WDR43: variants seen among roughly 807,000 people sequenced by gnomAD.
The protein encoded by WDR43 is WD repeat-containing protein 43.
A neutral mutation model predicts 91.4 loss-of-function variants in WDR43; 13 were observed. That is an observed-to-expected ratio of 0.14 (90% CI 0.09 to 0.23). The LOEUF is 0.23. Among genes scored for constraint, WDR43 ranks in the 10% least tolerant of loss-of-function variants. The probability of loss-of-function intolerance (pLI) is 1.00; values close to 1 mark genes in which losing one functional copy is unlikely to be tolerated. For missense variants in WDR43, 780 were observed against 809.4 expected, an observed-to-expected ratio of 0.96 and a Z score of 0.44; for synonymous variants, 331 against 287.9, an observed-to-expected ratio of 1.15 and a Z score of -1.51.
At position 28,914,106 on chromosome 2, in the gene WDR43, T is replaced by C; in HGVS notation, c.644T>C (p.Met215Thr). ...CATGCAACGCCAGTTTCGTCACTGA[T>C]GTTCACTACCATCAGACCTCCTAAT... ...TGHATPVSSL[M>T]FTTIRPPNES... Residue 215 changes from methionine (M) to threonine (T), a missense_variant, in exon 5 of 18, where the codon ATG becomes ACG. Coordinates refer to ENST00000407426, the MANE Select transcript of WDR43 (RefSeq NM_015131.3). 4 of 1,613,994 alleles carry C rather than the reference T, an allele frequency of 2.5e-6. No individual in the cohort carries two copies. The highest frequency in any genetic ancestry group is 3.4e-6 in the Non-Finnish European group (4 of 1,179,884).
Position 28,925,016 on chromosome 2 carries a change from A to G in WDR43, c.949A>G (p.Ile317Val), listed in dbSNP as rs373952335. 12 of 1,613,648 alleles carry G rather than the reference A, an allele frequency of 7.4e-6. No homozygotes were observed. Among genetic ancestry groups the G allele is most frequent in the African/African-American group, 2.7e-5 (2 of 74,910 alleles). Residue 317 changes from isoleucine to valine, a missense_variant, in exon 8 of 18, where the codon ATT becomes GTT. By Grantham distance (29) the Ile-to-Val change is conservative. Around this residue, in one of 4 missense-constraint regions of WDR43, gnomAD observed 426 missense variants for 467.8 expected, o/e 0.91. Transcript: ENST00000407426. Reference protein sequence around the residue: ...CKKPLTSNCTIQIATPGKGKK... With the variant: ...CKKPLTSNCTVQIATPGKGKK... ...AAAGCCTTTGACTTCAAACTGCACA[A>G]TTCAGATAGCAACACCTGGGAAAGG...
At position 28,912,612 on chromosome 2, in the gene WDR43, A is replaced by C; in HGVS notation, c.508A>C (p.Ser170Arg). The C allele has an allele frequency of 6.2e-7, 1 of 1,613,890 alleles. No homozygotes were observed. Among genetic ancestry groups the C allele is most frequent in the African/African-American group, 1.3e-5 (1 of 75,040 alleles). Residue 170 changes from serine (S) to arginine (R), a missense_variant, in exon 4 of 18, where the codon AGT becomes CGT. Transcript: ENST00000407426. ...TAGCAAATGGAAAGGCGACAATAGCAGTGTCAGTTCCCTATGTATCAGCCC... is the reference window on the plus strand; with the variant it reads ...TAGCAAATGGAAAGGCGACAATAGCCGTGTCAGTTCCCTATGTATCAGCCC... Reference protein sequence around the residue: ...VKCKWKGDNSSVSSLCISPDG... With the variant: ...VKCKWKGDNSRVSSLCISPDG...
chr2:28,904,791 C>CACTTCA (rs1670646891), intron 2 of WDR43, among the ~76,000 whole-genome samples: 1 of 152,168 alleles, frequency 6.6e-6, no homozygotes, highest in Non-Finnish European at 1.5e-5. Context: ...GAAGTGGTAA[C>CACTTCA]AATGTTATTT....
Position 28,894,692 on chromosome 2 carries a change from A to G in WDR43, c.-7A>G, listed in dbSNP as rs1243192023. 6.4e-6 allele frequency: 10 copies of G among 1,557,700 alleles called. No individual in the cohort carries two copies. The highest frequency in any genetic ancestry group is 1.4e-5 in the African/African-American group (1 of 73,416). The stretch of plus-strand genomic sequence containing the variant: ...GAACACGTGGCTGCAGCGGGGCCAG[A>G]GCAGCAATGGCGGCGGGCGGCGGCG... On this transcript the variant is annotated 5_prime_UTR_variant, in exon 1 of 18. Coordinates refer to ENST00000407426, the MANE Select transcript of WDR43 (RefSeq NM_015131.3).
chr2:28,910,698 T>A (rs962535821), intron 3 of WDR43, among the ~76,000 whole-genome samples: 1 of 145,692 alleles, frequency 6.9e-6, no homozygotes, highest in Admixed American at 6.9e-5. Context: ...TATATATAAT[T>A]ATTATTTTTA....
chr2:28,943,522 A>C (rs1671487273), intron 16 of WDR43, among the ~76,000 whole-genome samples: 1 of 152,200 alleles, frequency 6.6e-6, no homozygotes, highest in Non-Finnish European at 1.5e-5. Context: ...CAAAAAGGGA[A>C]CATTTTAGAT....
chr2:28,938,701 A>T (rs1671380853), intron 14 of WDR43, among the ~76,000 whole-genome samples: 1 of 152,222 alleles, frequency 6.6e-6, no homozygotes, highest in Non-Finnish European at 1.5e-5. Context: ...GCCTTGTCAC[A>T]GTCCCTTGTT....
At chr2:28,938,046 G>A (rs1252851550) in intron 14 of WDR43, 52 bp downstream of exon 14, 6 of 1,591,876 alleles carry the variant, frequency 3.8e-6, no homozygotes, top group Non-Finnish European at 4.3e-6. Flanking sequence ...GCTTTGATAA[G>A]GATTGTAAAC....
chr2:28,902,556 GGA>G (rs1203468224), intron 2 of WDR43, among the ~76,000 whole-genome samples: 2 of 152,224 alleles, frequency 1.3e-5, no homozygotes, highest in African/African-American at 2.4e-5. Flanking sequence ...AAACTGAGAA[GGA>G]GGCTCCAGCT....
At chr2:28,920,224 C>CTTTTTTTT (rs751048652) in intron 6 of WDR43, among the ~76,000 whole-genome samples, 2 of 108,072 alleles carry the variant, frequency 1.9e-5, no homozygotes, top group Admixed American at 1.1e-4. Context: ...TTTTTTCTTT[C>CTTTTTTTT]TTTTTTTTTT....
Position 28,939,129 on chromosome 2 carries a change from G to A in WDR43, c.1620+1135G>A, listed in dbSNP as rs4524085. 9.8e-4 allele frequency among the ~76,000 whole-genome samples: 111 copies of A among 112,694 alleles called. 2 individuals carry two copies. Among genetic ancestry groups the A allele is most frequent in the Non-Finnish European group, 1.3e-3 (68 of 52,646 alleles). 73.9% of individuals were successfully genotyped at this position (112,694 alleles called of 152,430 possible). ...GTGACCTGGGAGCACTGGTGAGAGGGGTTTTGGGAGGTGACTTGGGAGCAC... is the reference window on the plus strand; with the variant it reads ...GTGACCTGGGAGCACTGGTGAGAGGAGTTTTGGGAGGTGACTTGGGAGCAC... On this transcript the variant is annotated intron_variant, in intron 14 of 17. Coordinates refer to ENST00000407426, the MANE Select transcript of WDR43 (RefSeq NM_015131.3).
chr2:28,929,300 A>G (rs556655417), intron 10 of WDR43, among the ~76,000 whole-genome samples: 2 of 152,294 alleles, frequency 1.3e-5, no homozygotes, highest in East Asian at 1.9e-4. Flanking sequence ...CCTTTTCTGA[A>G]TCTTCATTTA....
At chr2:28,918,393 A>T (rs1670958472) in intron 6 of WDR43, among the ~76,000 whole-genome samples, 1 of 149,708 alleles carries the variant, frequency 6.7e-6, no homozygotes, top group South Asian at 2.1e-4. Flanking sequence ...TTTGAGACGG[A>T]GTTTCGCTCT....
intron 11 of WDR43, among the ~76,000 whole-genome samples, chr2:28,931,282 A>T (rs930484670): frequency 6.6e-6 from 1 of 152,078 alleles, no homozygotes; most frequent in Admixed American, 6.6e-5. Flanking sequence ...GGGTTTCACC[A>T]TGTTGGCCAG....
chr2:28,931,833 G>C (rs1200228129), intron 11 of WDR43, among the ~76,000 whole-genome samples: 4 of 150,110 alleles, frequency 2.7e-5, no homozygotes, highest in African/African-American at 9.8e-5. Context: ...TGCTTGAAAA[G>C]TTAGTAAAGA....
intron 3 of WDR43, among the ~76,000 whole-genome samples, chr2:28,910,314 C>G (rs1553326459): frequency 6.6e-6 from 1 of 152,128 alleles, no homozygotes; most frequent in Non-Finnish European, 1.5e-5. Context: ...ATATATGTAT[C>G]AACGTAGTAA....
intron 11 of WDR43, 111 bp downstream of exon 11, chr2:28,929,821 T>G (rs1282594111): frequency 8.5e-7 from 1 of 1,175,190 alleles, no homozygotes; most frequent in Non-Finnish European, 1.2e-6. Flanking sequence ...CCATTTGGAA[T>G]GTAATGTTTT....
In WDR43 at chr2:28,946,477, A is replaced by G; in HGVS notation, c.1832A>G (p.Glu611Gly). The change falls in exon 17 of 18, where the codon GAA (glutamate) becomes GGA (glycine). Residue 611 changes from glutamate to glycine, a missense_variant. Around this residue, in one of 4 missense-constraint regions of WDR43, gnomAD observed 426 missense variants for 467.8 expected, o/e 0.91. Transcript: ENST00000407426. ...TCTTCTGAAGAGGAGTCTGATGATG[A>G]AATAGCAGATAAGGATTCTGAAGTG... ...EESSEEESDD[E>G]IADKDSEDNW... The G allele has an allele frequency of 6.2e-7, 1 of 1,612,188 alleles. No individual in the cohort carries two copies. The highest frequency in any genetic ancestry group is 8.5e-7 in the Non-Finnish European group (1 of 1,179,158).
chr2:28,921,710 A>ACTTTTT (rs755187869), intron 6 of WDR43, among the ~76,000 whole-genome samples: 373 of 151,906 alleles, frequency 2.5e-3, no homozygotes, highest in Admixed American at 4.3e-3. Context: ...CTTCCCCTAA[A>ACTTTTT]CTTTTTCTTT....
Sources: gnomAD v4.1 joint callset for allele counts (sites outside exome capture counted in the v4.1 genomes callset) on GRCh38, gnomAD v4.1.1 for gene constraint, gnomAD v4.1.1 regional missense constraint, MANE v1.5 for transcripts, NCBI Gene and HGNC (gene_info 2026-07-23, HGNC 2026-07-21) for gene names.